FRAS1: variants seen among roughly 807,000 people sequenced by gnomAD.
FRAS1 encodes the protein Fraser extracellular matrix complex subunit 1, also known as extracellular matrix organizing protein FRAS1.
In FRAS1, 290 loss-of-function variants were observed where a neutral mutation model predicts 435.2. The ratio of observed to expected loss-of-function variants is 0.67; its 90% CI spans 0.61 to 0.73. The LOEUF is 0.73. FRAS1 is among the 30% of genes least tolerant of loss of function. The pLI is 0.00. For missense variants in FRAS1, 4,860 were observed against 5,001.5 expected, an observed-to-expected ratio of 0.97 and a Z score of 0.85; for synonymous variants, 1,800 against 1,851.0, an observed-to-expected ratio of 0.97 and a Z score of 0.71.
chr4:78,116,880 T>C (rs1236795509), intron 2 of FRAS1, among the ~76,000 whole-genome samples: 2 of 152,256 alleles, frequency 1.3e-5, no homozygotes, highest in Non-Finnish European at 2.9e-5. Flanking sequence ...ATTATGATGT[T>C]AGCTGGTTAT....
chr4:78,416,198 C>T (rs115648095), intron 32 of FRAS1, among the ~76,000 whole-genome samples: 1,696 of 152,080 alleles, frequency 0.011, 21 homozygotes, highest in African/African-American at 0.038. Flanking sequence ...CACAAAGGAA[C>T]AAAAACTGCA....
At position 78,140,615 on chromosome 4, in the gene FRAS1, ATATATGTGTATACGCATATACATATGTG is replaced by A. The variant is rs1268887417; in HGVS notation, c.108+74607_108+74634del. On this transcript the variant is annotated intron_variant, in intron 2 of 73. Coordinates refer to ENST00000512123, the MANE Select transcript of FRAS1 (RefSeq NM_025074.7). ...TGAGTGGATAAAGAAACTGTGGTAT[ATATATGTGTATACGCATATACATATGTG>A]TATATGTATATACGTATATACATAT... is the stretch of plus-strand genomic sequence containing the variant. Among the ~76,000 whole-genome samples, 4 of 150,348 alleles carry A rather than the reference ATATATGTGTATACGCATATACATATGTG, an allele frequency of 2.7e-5. No homozygotes were observed. In the South Asian group the frequency reaches 6.2e-4, roughly 23 times the overall value.
At chr4:78,205,853 CCT>C (rs1723232454) in intron 2 of FRAS1, among the ~76,000 whole-genome samples, 1 of 152,008 alleles carries the variant, frequency 6.6e-6, no homozygotes, top group Non-Finnish European at 1.5e-5. Flanking sequence ...CTGAATGACG[CCT>C]GTTTCCCCAG....
chr4:78,328,660 C>T lies in FRAS1; in HGVS notation c.2138-4612C>T, dbSNP rs1186651816. ...AAAATATTTGGGAAAAAATTCCTAA[C>T]TGTGAAACCATGCCCTAAAAATTTT... On this transcript the variant is annotated intron_variant, in intron 18 of 73. Transcript: ENST00000512123. 2.6e-5 allele frequency among the ~76,000 whole-genome samples: 4 copies of T among 152,292 alleles called. No individual in the cohort carries two copies. The East Asian group carries it at 7.7e-4, about 29-fold the overall frequency.
intron 2 of FRAS1, among the ~76,000 whole-genome samples, chr4:78,215,236 G>A (rs541621342): frequency 8.6e-5 from 13 of 151,486 alleles, no homozygotes; most frequent in Admixed American, 5.3e-4. Flanking sequence ...TTGCTCTGTC[G>A]CCAGGCTGGA....
At chr4:78,144,639 A>G (rs990636144) in intron 2 of FRAS1, among the ~76,000 whole-genome samples, 2 of 152,182 alleles carry the variant, frequency 1.3e-5, no homozygotes, top group Non-Finnish European at 2.9e-5. Context: ...TAAATCCCAG[A>G]TAACAATTGT....
intron 2 of FRAS1, among the ~76,000 whole-genome samples, chr4:78,117,732 A>G (rs1425703887): frequency 6.6e-6 from 1 of 152,274 alleles, no homozygotes; most frequent in Non-Finnish European, 1.5e-5. Context: ...CCATTCATCT[A>G]ATTTTTTTTT....
In FRAS1 at chr4:78,412,967, A is replaced by G; in HGVS notation, c.4309-2A>G. 7 of 1,587,398 alleles carry G rather than the reference A, an allele frequency of 4.4e-6. No individual in the cohort carries two copies. The highest frequency in any genetic ancestry group is 5.2e-6 in the Non-Finnish European group (6 of 1,165,016). On this transcript the variant is annotated splice_acceptor_variant, in intron 31 of 73. Transcript: ENST00000512123. LOFTEE classifies it high-confidence loss of function. ...GGCTCACCAGGATGACTTTCTTTTC[A>G]GGTGTCCAGTGCCTCCAATGCCCAG... is the stretch of plus-strand genomic sequence containing the variant.
At chr4:78,303,950 G>T (rs1327975726) in intron 14 of FRAS1, among the ~76,000 whole-genome samples, 3 of 151,578 alleles carry the variant, frequency 2.0e-5, no homozygotes, top group Non-Finnish European at 4.4e-5. Context: ...CAAAGGGAAT[G>T]CTTCCAGTTT....
intron 41 of FRAS1, 24 bp from the exon 42 acceptor site, chr4:78,445,498 A>G (rs1718780330): frequency 5.3e-6 from 8 of 1,510,294 alleles, no homozygotes; most frequent in Non-Finnish European, 1.8e-6. Flanking sequence ...TCAAGGTAAA[A>G]ATGCTCTCTT....
chr4:78,372,522 A>C (rs949944154), intron 23 of FRAS1, among the ~76,000 whole-genome samples, 196 bp from the exon 24 acceptor site: 10 of 152,140 alleles, frequency 6.6e-5, no homozygotes, highest in South Asian at 2.1e-4. Context: ...TGTCTAACAT[A>C]ATTAGGGAAC....
intron 9 of FRAS1, among the ~76,000 whole-genome samples, chr4:78,276,289 T>C (rs1054798550): frequency 1.3e-5 from 2 of 152,218 alleles, no homozygotes; most frequent in African/African-American, 4.8e-5. Flanking sequence ...AGAAGTTTGA[T>C]CATCTGAAGC....
rs75254656 is a variant in FRAS1 at position 78,384,871 on chromosome 4, G to A, written c.3648+728G>A. On this transcript the variant is annotated intron_variant, in intron 28 of 73. Coordinates refer to ENST00000512123, the MANE Select transcript of FRAS1 (RefSeq NM_025074.7). Reference sequence around the variant, plus strand: ...TGCAATGAATGACGATCATGCCACCGTGCCCCAGCCTGAGCAACACAGTGA... The same window carrying A: ...TGCAATGAATGACGATCATGCCACCATGCCCCAGCCTGAGCAACACAGTGA... 2.9e-3 allele frequency among the ~76,000 whole-genome samples: 413 copies of A among 143,882 alleles called. 1 individual carries two copies. The highest frequency in any genetic ancestry group is 9.5e-3 in the African/African-American group (362 of 37,972). 94.4% of individuals were successfully genotyped at this position (143,882 alleles called of 152,430 possible). A position where few individuals can be genotyped will look rare whatever the true frequency, so the allele number is the denominator to read the frequency against.
At chr4:78,336,085 T>C (rs955548499) in intron 19 of FRAS1, among the ~76,000 whole-genome samples, 15 of 152,188 alleles carry the variant, frequency 9.9e-5, no homozygotes, top group African/African-American at 3.6e-4. Flanking sequence ...TTAAAATAAA[T>C]TAATATCTGT....
chr4:78,412,182 T>C (rs933337046), intron 31 of FRAS1, among the ~76,000 whole-genome samples: 1 of 146,558 alleles, frequency 6.8e-6, no homozygotes, highest in Non-Finnish European at 1.5e-5. Flanking sequence ...GGAGTAACTT[T>C]TAAAGACATA....
chr4:78,456,893 T>A (rs1440402220), intron 47 of FRAS1, among the ~76,000 whole-genome samples: 3 of 152,210 alleles, frequency 2.0e-5, no homozygotes, highest in African/African-American at 7.2e-5. Flanking sequence ...CGGTAGAGCA[T>A]ATTGAAATCA....
At chr4:78,505,327 A>G (rs924658236) in intron 61 of FRAS1, among the ~76,000 whole-genome samples, 3 of 152,340 alleles carry the variant, frequency 2.0e-5, no homozygotes, top group South Asian at 2.1e-4. Context: ...GTGTTTTCCA[A>G]CTTGGTTCCA....
chr4:78,445,883 T>C lies in FRAS1; in HGVS notation c.5856+171T>C, dbSNP rs981997393. The stretch of plus-strand genomic sequence containing the variant: ...GAATCTTGTAGAATTAAGGTTGGCA[T>C]TTGGGGAAGGCTTGAGTTAGAAATC... On this transcript the variant is annotated intron_variant, in intron 42 of 73. Transcript: ENST00000512123. 3.3e-5 allele frequency: 44 copies of C among 1,342,476 alleles called. No individual in the cohort carries two copies. The Admixed American group carries it at 1.3e-3, about 39-fold the overall frequency. The allele number at this position is 1,342,476 out of a possible 1,614,324, so 83.2% of individuals were successfully genotyped here. A position where few individuals can be genotyped will look rare whatever the true frequency, so the allele number is the denominator to read the frequency against.
chr4:78,475,293 A>C, intron 53 of FRAS1, 145 bp from the exon 54 acceptor site: 2 of 749,272 alleles, frequency 2.7e-6, no homozygotes, highest in South Asian at 3.6e-5. Context: ...CCCTCAATTT[A>C]CAGCCTGGAT....
Sources: gnomAD v4.1 joint callset for allele counts (sites outside exome capture counted in the v4.1 genomes callset) on GRCh38, gnomAD v4.1.1 for gene constraint, MANE v1.5 for transcripts, NCBI Gene and HGNC (gene_info 2026-07-23, HGNC 2026-07-21) for gene names.